CAPG: variants seen among roughly 807,000 people sequenced by gnomAD.
The protein encoded by CAPG is macrophage-capping protein.
CAPG carries 32 observed loss-of-function variants against 44.6 expected under a neutral mutation model. The observed-to-expected ratio is 0.72, with a 90% confidence interval of 0.54 to 0.96. The LOEUF (loss-of-function observed/expected upper bound fraction) is 0.96. CAPG is among the 50% of genes least tolerant of loss of function. The pLI, the probability that CAPG is intolerant of heterozygous loss-of-function variation, is 0.00. For missense variants in CAPG, 412 were observed against 438.3 expected (o/e 0.94, Z 0.54); for synonymous variants, 175 against 179.6 (o/e 0.97, Z 0.20).
chr2:85,416,941 G>C (rs546939368), intron 1 of CAPG, among the ~76,000 whole-genome samples: 1 of 152,176 alleles, frequency 6.6e-6, no homozygotes, highest in Admixed American at 6.5e-5. Context: ...CATATTTTCC[G>C]AATAAAGCTC....
chr2:85,402,786 T>C (rs1686965078), intron 1 of CAPG, among the ~76,000 whole-genome samples: 5 of 150,010 alleles, frequency 3.3e-5, no homozygotes, highest in Non-Finnish European at 7.4e-5. Context: ...TTTTTTTTTT[T>C]TGGAGACAGA....
Position 85,408,379 on chromosome 2 carries a change from C to CACACACACA in CAPG, c.-14+1937_-14+1938insTGTGTGTGT, listed in dbSNP as rs1414612076. 1.1e-3 allele frequency among the ~76,000 whole-genome samples: 167 copies of CACACACACA among 146,246 alleles called. 2 individuals are homozygous for CACACACACA. The highest frequency in any genetic ancestry group is 3.6e-3 in the African/African-American group (146 of 40,046). The stretch of plus-strand genomic sequence containing the variant: ...ACACACACACACACACACACACACA[C>CACACACACA]AAGCCCCCTTATCCTTCCAGGCCCG... On this transcript the variant is annotated intron_variant, in intron 1 of 9. Transcript: ENST00000263867.
intron 1 of CAPG, among the ~76,000 whole-genome samples, chr2:85,408,996 A>G (rs896879006): frequency 3.3e-5 from 5 of 152,140 alleles, no homozygotes; most frequent in African/African-American, 1.2e-4. Flanking sequence ...CCACCTTACC[A>G]AACAGCCTCT....
chr2:85,391,940 TC>T (rs1558725534), downstream of CAPG, among the ~76,000 whole-genome samples: 1 of 152,180 alleles, frequency 6.6e-6, no homozygotes, highest in Non-Finnish European at 1.5e-5. Context: ...AGGATGTCCA[TC>T]CTCTGCTATA....
chr2:85,393,327 T>A (rs1295233683), downstream of CAPG, among the ~76,000 whole-genome samples: 1 of 152,050 alleles, frequency 6.6e-6, no homozygotes, highest in African/African-American at 2.4e-5. Context: ...TGAGCCACCG[T>A]GCCCAGCCAC....
chr2:85,402,597 G>T (rs113036942), intron 1 of CAPG, among the ~76,000 whole-genome samples: 1 of 152,034 alleles, frequency 6.6e-6, no homozygotes, highest in African/African-American at 2.4e-5. Flanking sequence ...CACCCAAGCA[G>T]CTGGGATTAC....
chr2:85,392,802 G>T (rs1686433479), downstream of CAPG, among the ~76,000 whole-genome samples: 1 of 152,180 alleles, frequency 6.6e-6, no homozygotes, highest in South Asian at 2.1e-4. Context: ...TTGAATTGCA[G>T]GGGAGAAAAG....
upstream of CAPG, among the ~76,000 whole-genome samples, chr2:85,412,110 T>C (rs145985806): frequency 1.3e-4 from 19 of 150,744 alleles, no homozygotes; most frequent in South Asian, 1.3e-3. Flanking sequence ...TGAAACGAAA[T>C]TGATAAAATT....
chr2:85,397,556 AGCCAGGTGTGGTG>A (rs1460991568), intron 8 of CAPG, among the ~76,000 whole-genome samples: 1 of 152,070 alleles, frequency 6.6e-6, no homozygotes, highest in Non-Finnish European at 1.5e-5. Flanking sequence ...TACAAAAATT[AGCCAGGTGTGGTG>A]GCACGCACCT....
chr2:85,398,857 A>T, intron 6 of CAPG, 75 bp from the exon 7 acceptor site: 2 of 1,206,386 alleles, frequency 1.7e-6, no homozygotes, highest in Non-Finnish European at 2.3e-6. Flanking sequence ...GCCCAGGGCC[A>T]CTGCTTCTGG....
chr2:85,394,469 T>C (rs1271432184), downstream of CAPG, among the ~76,000 whole-genome samples: 1 of 152,238 alleles, frequency 6.6e-6, no homozygotes, highest in African/African-American at 2.4e-5. Flanking sequence ...CTGCCTTAAA[T>C]GGAACTGCAT....
At chr2:85,394,135 C>T (rs986936101), downstream of CAPG, among the ~76,000 whole-genome samples, 1 of 152,252 alleles carries the variant, frequency 6.6e-6, no homozygotes, top group African/African-American at 2.4e-5. Flanking sequence ...TGCATTCTCC[C>T]TGCTATTTAG....
rs1419977231 is a variant in CAPG, at chr2:85,398,045, GAGCCCGTTGTCCAGCACAA to G, written c.848_866del (p.Phe283SerfsTer96). The stretch of plus-strand genomic sequence containing the variant: ...CCTTCCAGATATAGATCTTGCCACA[GAGCCCGTTGTCCAGCACAA>G]AGCAGTCATCAGATATCAGCAGTTC... On this transcript the variant is annotated frameshift_variant, in exon 8 of 10. Transcript: ENST00000263867. LOFTEE classifies it high-confidence loss of function. 7.4e-6 allele frequency: 12 copies of G among 1,614,098 alleles called. No homozygotes were observed. Among genetic ancestry groups the G allele is most frequent in the Non-Finnish European group, 8.5e-6 (10 of 1,180,002 alleles).
At chr2:85,406,846 G>A (rs1166607252) in intron 1 of CAPG, among the ~76,000 whole-genome samples, 4 of 149,826 alleles carry the variant, frequency 2.7e-5, no homozygotes, top group Admixed American at 6.6e-5. Context: ...CAACAAGAGC[G>A]AAACTCCGTC....
chr2:85,401,503 G>T lies in CAPG; in HGVS notation c.351+26C>A, dbSNP rs761040798. ...CTGGCTCTGAGGGAAGCTGCAGGGT[G>T]GGGGTGCCTAGAGGTGGGCTCTGAC... On this transcript the variant is annotated intron_variant, in intron 4 of 9. Coordinates refer to ENST00000263867, the MANE Select transcript of CAPG (RefSeq NM_001747.4). The T allele has an allele frequency of 5.0e-5, 81 of 1,611,796 alleles. 2 individuals are homozygous for T. The South Asian group carries it at 7.6e-4, about 15-fold the overall frequency.
intron 8 of CAPG, among the ~76,000 whole-genome samples, chr2:85,397,704 AAAAGAAAG>A (rs57572523): frequency 2.5e-3 from 379 of 149,234 alleles, no homozygotes; most frequent in Non-Finnish European, 3.9e-3. Flanking sequence ...TTCCTTCTCA[AAAAGAAAG>A]AAAGAAAGAA....
At chr2:85,411,620 G>A (rs560645431), upstream of CAPG, among the ~76,000 whole-genome samples, 2 of 152,198 alleles carry the variant, frequency 1.3e-5, no homozygotes, top group African/African-American at 4.8e-5. Context: ...GAAAGGTATT[G>A]GTCAGCAGGC....
intron 1 of CAPG, among the ~76,000 whole-genome samples, chr2:85,416,321 T>C (rs949685583): frequency 6.6e-6 from 1 of 152,184 alleles, no homozygotes; most frequent in Admixed American, 6.5e-5. Context: ...TACCCTGCCA[T>C]GTGGCCCTCT....
At chr2:85,392,446 G>A (rs2104769745), downstream of CAPG, among the ~76,000 whole-genome samples, 1 of 151,888 alleles carries the variant, frequency 6.6e-6, no homozygotes, top group East Asian at 1.9e-4. Flanking sequence ...GGGAGTGGGG[G>A]GCAGGTGAGA....
Sources: gnomAD v4.1 joint callset for allele counts (sites outside exome capture counted in the v4.1 genomes callset) on GRCh38, gnomAD v4.1.1 for gene constraint, MANE v1.5 for transcripts, NCBI Gene and HGNC (gene_info 2026-07-23, HGNC 2026-07-21) for gene names.